The following DCC variants were observed in gnomAD, a reference collection of about 807,000 sequenced individuals.
DCC encodes netrin receptor DCC.
A neutral mutation model predicts 172.5 loss-of-function variants in DCC; 58 were observed. The ratio of observed to expected loss-of-function variants is 0.34; its 90% CI spans 0.27 to 0.42. DCC has a LOEUF of 0.42. Ranked by LOEUF, DCC falls within the 10% of genes least tolerant of loss-of-function variation. The pLI is 1.00. For missense variants in DCC, 1,740 were observed against 1,791.0 expected (o/e 0.97, Z 0.51); for synonymous variants, 709 against 644.5 (o/e 1.10, Z -1.52).
At chr18:52,398,867 C>T (rs1229905852) in intron 1 of DCC, among the ~76,000 whole-genome samples, 6 of 151,706 alleles carry the variant, frequency 4.0e-5, no homozygotes, top group African/African-American at 7.3e-5. Flanking sequence ...CGGTGTATAC[C>T]GCTCAGGAGA....
intron 12 of DCC, among the ~76,000 whole-genome samples, chr18:53,264,371 C>T (rs2056643134): frequency 6.6e-6 from 1 of 151,082 alleles, no homozygotes; most frequent in South Asian, 2.1e-4. Context: ...CGTGTAATTC[C>T]AGCTACTCTG....
In DCC at chr18:52,717,643, T is replaced by C. The variant is rs1048102483; in HGVS notation, c.92-34411T>C. Among the ~76,000 whole-genome samples the C allele has an allele frequency of 8.5e-5, 13 of 152,184 alleles. No homozygotes were observed. The East Asian group carries it at 2.3e-3, about 27-fold the overall frequency. On this transcript the variant is annotated intron_variant, in intron 1 of 28. Transcript: ENST00000442544. ...GCCTCAAAACTACCTTTATATGTAA[T>C]GGACAAACATATTACATGTCTCCAG...
intron 1 of DCC, among the ~76,000 whole-genome samples, chr18:52,690,344 A>G (rs952893789): frequency 1.3e-5 from 2 of 152,142 alleles, no homozygotes; most frequent in African/African-American, 2.4e-5. Context: ...AGGCAACCGG[A>G]AGAGGATTGA....
At chr18:53,521,128 A>G (rs2144593237) in intron 27 of DCC, among the ~76,000 whole-genome samples, 1 of 152,220 alleles carries the variant, frequency 6.6e-6, no homozygotes, top group African/African-American at 2.4e-5. Context: ...ATTACTTGAG[A>G]AAAGGCAGTC....
intron 27 of DCC, among the ~76,000 whole-genome samples, chr18:53,505,868 T>G (rs2046167968): frequency 6.6e-6 from 1 of 152,234 alleles, no homozygotes; most frequent in South Asian, 2.1e-4. Context: ...TTTACATTTC[T>G]TATACACTTG....
chr18:53,209,174 A>G (rs1214490036), intron 11 of DCC, among the ~76,000 whole-genome samples: 1 of 152,224 alleles, frequency 6.6e-6, no homozygotes, highest in Admixed American at 6.5e-5. Context: ...GCCATAAAAG[A>G]GAGGAACAAA....
chr18:53,260,906 G>A (rs1424089956), intron 12 of DCC, among the ~76,000 whole-genome samples: 1 of 152,026 alleles, frequency 6.6e-6, no homozygotes, highest in Non-Finnish European at 1.5e-5. Context: ...GCAATCGTAG[G>A]CACCCCTCCC....
intron 2 of DCC, among the ~76,000 whole-genome samples, chr18:52,760,530 A>T (rs139306284): frequency 1.7e-4 from 26 of 152,312 alleles, no homozygotes; most frequent in Non-Finnish European, 3.4e-4. Flanking sequence ...GTGACCTCCA[A>T]ACCACCACAT....
chr18:53,118,474 C>T (rs200888482), intron 7 of DCC, among the ~76,000 whole-genome samples: 116 of 151,728 alleles, frequency 7.6e-4, no homozygotes, highest in East Asian at 9.8e-4. Flanking sequence ...GTTGCTTTCA[C>T]TTGTTTCACT....
chr18:53,499,595 A>C (rs2046071485), intron 27 of DCC, 85 bp downstream of exon 27: 1 of 1,079,464 alleles, frequency 9.3e-7, no homozygotes, highest in South Asian at 1.3e-5. Flanking sequence ...GAGAAGGCCT[A>C]GATGTCATAT....
intron 1 of DCC, among the ~76,000 whole-genome samples, chr18:52,742,700 A>G (rs2036841119): frequency 6.6e-6 from 1 of 152,198 alleles, no homozygotes; most frequent in Admixed American, 6.5e-5. Flanking sequence ...TTACTGACAA[A>G]GTGCTACCAT....
chr18:53,294,614 T>C (rs1030946778), intron 12 of DCC, among the ~76,000 whole-genome samples: 8 of 152,160 alleles, frequency 5.3e-5, no homozygotes, highest in Non-Finnish European at 8.8e-5. Flanking sequence ...CAGCCTTGCA[T>C]GTCTTGGAGG....
chr18:53,104,235 T>A (rs1403082383), intron 7 of DCC, among the ~76,000 whole-genome samples: 1 of 151,972 alleles, frequency 6.6e-6, no homozygotes, highest in Non-Finnish European at 1.5e-5. Flanking sequence ...CCTAGTGATA[T>A]GGTTTGGCTC....
intron 12 of DCC, among the ~76,000 whole-genome samples, chr18:53,217,639 T>C (rs890386193): frequency 6.6e-6 from 1 of 152,146 alleles, no homozygotes; most frequent in Non-Finnish European, 1.5e-5. Context: ...TTTTGCATTC[T>C]CAGTGTATTG....
chr18:52,441,112 C>G (rs1987957864), intron 1 of DCC, among the ~76,000 whole-genome samples: 1 of 152,172 alleles, frequency 6.6e-6, no homozygotes, highest in Admixed American at 6.6e-5. Flanking sequence ...CTATGATTAA[C>G]TTCCTATGAA....
chr18:52,947,340 A>G (rs930656328), intron 5 of DCC, among the ~76,000 whole-genome samples: 2 of 152,180 alleles, frequency 1.3e-5, no homozygotes, highest in East Asian at 3.8e-4. Context: ...ATATATTTGT[A>G]CTAGTCAACT....
chr18:52,450,588 C>T (rs754268261), intron 1 of DCC, among the ~76,000 whole-genome samples: 3 of 152,156 alleles, frequency 2.0e-5, no homozygotes, highest in Non-Finnish European at 2.9e-5. Context: ...GTTTGGCCTG[C>T]CCAAACGTTT....
intron 14 of DCC, among the ~76,000 whole-genome samples, chr18:53,324,556 C>G (rs1461706376): frequency 6.6e-6 from 1 of 151,996 alleles, no homozygotes; most frequent in Non-Finnish European, 1.5e-5. Flanking sequence ...TGAACCCAGA[C>G]TTTAAGGAAG....
rs78800255 is a variant in DCC at position 53,241,529 on chromosome 18, A to G, written c.1911+25932A>G. 1.3e-3 allele frequency among the ~76,000 whole-genome samples: 191 copies of G among 152,218 alleles called. No homozygotes were observed. In the East Asian group the frequency reaches 0.035, roughly 28 times the overall value. On this transcript the variant is annotated intron_variant, in intron 12 of 28. Transcript: ENST00000442544. Reference sequence around the variant, plus strand: ...CTGGGGCTGGAGAGGTGGAGAGGAAAGAGCTAAGAATGGGAAATTACTGCA... The same window carrying G: ...CTGGGGCTGGAGAGGTGGAGAGGAAGGAGCTAAGAATGGGAAATTACTGCA...
Sources: allele counts gnomAD v4.1 joint callset (sites outside exome capture counted in the v4.1 genomes callset), GRCh38; gene constraint gnomAD v4.1.1; transcripts MANE v1.5; gene names NCBI Gene and HGNC (gene_info 2026-07-23, HGNC 2026-07-21).